Variants in XYLT1 observed in about 807,000 individuals in gnomAD.
XYLT1 encodes xylosyltransferase 1, also known as beta-D-xylosyltransferase 1.
In XYLT1, 36 loss-of-function variants were observed where a neutral mutation model predicts 91.3. The ratio of observed to expected loss-of-function variants is 0.39; its 90% CI spans 0.30 to 0.52. The LOEUF is 0.52. XYLT1 is among the 20% of genes least tolerant of loss of function. The pLI, the probability that XYLT1 is intolerant of heterozygous loss-of-function variation, is 0.68. For synonymous variants in XYLT1, 588 were observed against 532.0 expected (o/e 1.11, Z -1.45); for missense variants, 1,242 against 1,284.5 (o/e 0.97, Z 0.51).
At chr16:17,325,552 G>A (rs1267852122) in intron 2 of XYLT1, among the ~76,000 whole-genome samples, 1 of 152,068 alleles carries the variant, frequency 6.6e-6, no homozygotes, top group Non-Finnish European at 1.5e-5. Flanking sequence ...ATAAATAGAG[G>A]TTGAAATCAA....
chr16:17,153,597 T>G (rs2031335261), intron 6 of XYLT1, among the ~76,000 whole-genome samples: 1 of 152,230 alleles, frequency 6.6e-6, no homozygotes, highest in African/African-American at 2.4e-5. Flanking sequence ...TAACTTTAAA[T>G]AGCTTCAACT....
chr16:17,243,856 G>A (rs1038521732), intron 3 of XYLT1, among the ~76,000 whole-genome samples: 3 of 152,154 alleles, frequency 2.0e-5, no homozygotes, highest in African/African-American at 4.8e-5. Context: ...GGATGCCAAT[G>A]TGTCCATACC....
chr16:17,311,558 C>T (rs2034550297), intron 2 of XYLT1, among the ~76,000 whole-genome samples: 1 of 152,138 alleles, frequency 6.6e-6, no homozygotes, highest in Non-Finnish European at 1.5e-5. Flanking sequence ...GACCCAGGCA[C>T]ACAGCTTAGT....
intron 5 of XYLT1, among the ~76,000 whole-genome samples, chr16:17,197,014 A>AATATATATAT (rs536988187): frequency 0.018 from 1,938 of 110,246 alleles, 93 homozygotes; most frequent in African/African-American, 0.037. Flanking sequence ...CTGTCTCCAA[A>AATATATATAT]ATATATATAT....
At position 17,298,862 on chromosome 16, in the gene XYLT1, G is replaced by C. The variant is rs971900639; in HGVS notation, c.403-39364C>G. Reference sequence around the variant, plus strand: ...ACTTGTCAGAGGACACGCCCTATGAGAGCCACCACCCCCTGCCCCATAGGC... The same window carrying C: ...ACTTGTCAGAGGACACGCCCTATGACAGCCACCACCCCCTGCCCCATAGGC... On this transcript the variant is annotated intron_variant, in intron 2 of 11. Coordinates refer to ENST00000261381, the MANE Select transcript of XYLT1 (RefSeq NM_022166.4). Among the ~76,000 whole-genome samples the C allele has an allele frequency of 9.5e-4, 145 of 152,076 alleles. 1 individual carries two copies. Among genetic ancestry groups the C allele is most frequent in the Non-Finnish European group, 5.9e-5 (4 of 68,026 alleles).
rs184608958 is a variant in XYLT1 at position 17,399,152 on chromosome 16, G to A, written c.364-41102C>T. Among the ~76,000 whole-genome samples, 32 of 152,226 alleles carry A rather than the reference G, an allele frequency of 2.1e-4. 1 individual carries two copies. The East Asian group carries it at 2.7e-3, about 13-fold the overall frequency. On this transcript the variant is annotated intron_variant, in intron 1 of 11. Coordinates refer to ENST00000261381, the MANE Select transcript of XYLT1 (RefSeq NM_022166.4). Reference sequence around the variant, plus strand: ...GTCAACTTCCAATGTACTGGAAATCGGGACTTCAACATATGAATCTGGGGG... The same window carrying A: ...GTCAACTTCCAATGTACTGGAAATCAGGACTTCAACATATGAATCTGGGGG...
intron 1 of XYLT1, among the ~76,000 whole-genome samples, chr16:17,384,516 C>G (rs1362847099): frequency 2.6e-5 from 4 of 151,870 alleles, no homozygotes; most frequent in Non-Finnish European, 4.4e-5. Flanking sequence ...ACTGTGCATT[C>G]AAATTCTGGA....
chr16:17,303,891 C>T (rs540998142), intron 2 of XYLT1, among the ~76,000 whole-genome samples: 2 of 152,144 alleles, frequency 1.3e-5, no homozygotes, highest in Middle Eastern at 3.4e-3. Flanking sequence ...ACACTGTGTA[C>T]ATATGATTTA....
At chr16:17,165,422 C>T (rs1319246959) in intron 5 of XYLT1, among the ~76,000 whole-genome samples, 3 of 152,096 alleles carry the variant, frequency 2.0e-5, no homozygotes, top group Non-Finnish European at 4.4e-5. Context: ...CATGGTGGCT[C>T]ATGCCTGTAA....
intron 2 of XYLT1, among the ~76,000 whole-genome samples, chr16:17,313,141 G>A (rs995484263): frequency 2.0e-5 from 3 of 152,182 alleles, no homozygotes; most frequent in South Asian, 2.1e-4. Flanking sequence ...TGATGTTCTC[G>A]GGACTGGCCT....
chr16:17,417,853 CT>C (rs1292953272), intron 1 of XYLT1, among the ~76,000 whole-genome samples: 2 of 152,202 alleles, frequency 1.3e-5, no homozygotes, highest in African/African-American at 4.8e-5. Context: ...AGAATATTTA[CT>C]CTGGGGAAAC....
At chr16:17,192,523 G>A (rs12708816) in intron 5 of XYLT1, among the ~76,000 whole-genome samples, 79,340 of 152,064 alleles carry the variant, frequency 0.52, 22,142 homozygotes, top group South Asian at 0.72. Flanking sequence ...TAGAACATAC[G>A]AATAAAACCA....
chr16:17,319,319 C>G lies in XYLT1; in HGVS notation c.402+38693G>C, dbSNP rs966192996. Among the ~76,000 whole-genome samples the G allele has an allele frequency of 2.0e-5, 3 of 152,164 alleles. No homozygotes were observed. In the South Asian group the frequency reaches 6.2e-4, roughly 32 times the overall value. On this transcript the variant is annotated intron_variant, in intron 2 of 11. Transcript: ENST00000261381. ...ACCATGTTCAAGGTGCAGCACAGTA[C>G]CTTGCCTGAGAGATTCTAAGAGCAT...
At chr16:17,167,761 A>G (rs1190648445) in intron 5 of XYLT1, among the ~76,000 whole-genome samples, 3 of 151,398 alleles carry the variant, frequency 2.0e-5, no homozygotes, top group African/African-American at 7.3e-5. Context: ...TCATGCATGG[A>G]TTCTAACTCA....
chr16:17,263,607 C>A (rs1312772558), intron 2 of XYLT1, among the ~76,000 whole-genome samples: 2 of 151,848 alleles, frequency 1.3e-5, no homozygotes, highest in Non-Finnish European at 2.9e-5. Context: ...GCGCAGTCAG[C>A]GAGAATTGGA....
At chr16:17,347,386 G>A (rs75786493) in intron 2 of XYLT1, among the ~76,000 whole-genome samples, 1 of 152,174 alleles carries the variant, frequency 6.6e-6, no homozygotes, top group African/African-American at 2.4e-5. Context: ...GACAGACAGA[G>A]GAGTATGAAT....
At chr16:17,314,014 C>T (rs2034589389) in intron 2 of XYLT1, among the ~76,000 whole-genome samples, 1 of 152,326 alleles carries the variant, frequency 6.6e-6, no homozygotes, top group African/African-American at 2.4e-5. Flanking sequence ...CTGGGAGGGT[C>T]AGGACACTGG....
intron 1 of XYLT1, among the ~76,000 whole-genome samples, chr16:17,431,475 C>T (rs1239968302): frequency 6.6e-6 from 1 of 152,076 alleles, no homozygotes; most frequent in Non-Finnish European, 1.5e-5. Flanking sequence ...ACTAAAGAAC[C>T]CAAATTTAAG....
intron 2 of XYLT1, among the ~76,000 whole-genome samples, chr16:17,334,646 G>C (rs566572154): frequency 4.5e-4 from 69 of 152,272 alleles, no homozygotes; most frequent in African/African-American, 1.6e-3. Flanking sequence ...AGTCTAGCAA[G>C]GACAGTGAGA....
Sources: allele counts gnomAD v4.1 joint callset (sites outside exome capture counted in the v4.1 genomes callset), GRCh38; gene constraint gnomAD v4.1.1; transcripts MANE v1.5; gene names NCBI Gene and HGNC (gene_info 2026-07-23, HGNC 2026-07-21).